TENM2: variants seen among roughly 807,000 people sequenced by gnomAD.
TENM2 encodes the protein teneurin-2.
A neutral mutation model predicts 245.2 loss-of-function variants in TENM2; 52 were observed. The observed-to-expected ratio is 0.21, with a 90% CI of 0.17 to 0.27. The LOEUF (loss-of-function observed/expected upper bound fraction) is 0.27, where lower values mean the gene tolerates loss of function less well. Among genes scored for constraint, TENM2 ranks in the 10% least tolerant of loss-of-function variants. The pLI is 1.00. For missense variants in TENM2, 3,046 were observed against 3,666.8 expected, an observed-to-expected ratio of 0.83 and a Z score of 4.37; for synonymous variants, 1,363 against 1,438.9, an observed-to-expected ratio of 0.95 and a Z score of 1.19.
chr5:167,889,098 A>T (rs1774526748), intron 3 of TENM2, among the ~76,000 whole-genome samples: 1 of 152,152 alleles, frequency 6.6e-6, no homozygotes, highest in Non-Finnish European at 1.5e-5. Flanking sequence ...AACAAAACAA[A>T]CAAAAAAACC....
At chr5:166,989,101 G>A in the TENM2 span, among the ~76,000 whole-genome samples, 9 of 151,658 alleles carry the variant, frequency 5.9e-5, no homozygotes, top group Admixed American at 1.3e-4. Flanking sequence ...TCAGAGTCTC[G>A]CTCTGTGGCT....
intron 2 of TENM2, among the ~76,000 whole-genome samples, chr5:167,533,057 A>G (rs1000644600): frequency 3.2e-4 from 49 of 152,222 alleles, no homozygotes; most frequent in African/African-American, 1.1e-3. Context: ...ATGATTCAGG[A>G]GTGCTTTGAA....
At chr5:167,371,081 A>T (rs186508546) in intron 1 of TENM2, among the ~76,000 whole-genome samples, 1 of 152,238 alleles carries the variant, frequency 6.6e-6, no homozygotes, top group Non-Finnish European at 1.5e-5. Context: ...GATAAAATAC[A>T]TGGAAAACAA....
the TENM2 span, among the ~76,000 whole-genome samples, chr5:167,061,533 T>G: frequency 1.3e-3 from 195 of 152,302 alleles, no homozygotes; most frequent in African/African-American, 4.3e-3. Flanking sequence ...AAATATTTCC[T>G]GCGTGGGTTT....
At chr5:168,031,720 G>A (rs1286648205) in intron 5 of TENM2, among the ~76,000 whole-genome samples, 1 of 148,426 alleles carries the variant, frequency 6.7e-6, no homozygotes, top group African/African-American at 2.5e-5. Context: ...AGGGAGGAAG[G>A]GAGCAAGGGA....
intron 5 of TENM2, 61 bp from the exon 8 acceptor site, chr5:168,047,366 C>A (rs1462933107): frequency 6.5e-7 from 1 of 1,546,692 alleles, no homozygotes; most frequent in Non-Finnish European, 8.7e-7. Context: ...TGGCCCTCCC[C>A]CTTGACATTT....
chr5:167,396,528 G>T (rs563099710), intron 2 of TENM2, among the ~76,000 whole-genome samples: 3 of 152,230 alleles, frequency 2.0e-5, no homozygotes, highest in Admixed American at 2.0e-4. Flanking sequence ...GAGGTAATGT[G>T]GTGATAAAAT....
At chr5:168,154,475 T>C (rs1756975245) in intron 12 of TENM2, among the ~76,000 whole-genome samples, 1 of 152,304 alleles carries the variant, frequency 6.6e-6, no homozygotes, top group South Asian at 2.1e-4. Context: ...TCCACCCGCC[T>C]CAACCTCCCA....
the TENM2 span, among the ~76,000 whole-genome samples, chr5:167,179,329 G>T: frequency 7.2e-5 from 11 of 152,138 alleles, no homozygotes; most frequent in Non-Finnish European, 1.5e-5. Flanking sequence ...TTCATTGTAC[G>T]TACTAACGGG....
chr5:167,106,282 C>T, the TENM2 span, among the ~76,000 whole-genome samples: 1 of 152,032 alleles, frequency 6.6e-6, no homozygotes, highest in Non-Finnish European at 1.5e-5. Flanking sequence ...CAGGAGGTCA[C>T]ACAATAATAG....
chr5:168,184,435 T>A (rs1760210769), intron 13 of TENM2, among the ~76,000 whole-genome samples: 2 of 152,222 alleles, frequency 1.3e-5, no homozygotes, highest in African/African-American at 4.8e-5. Flanking sequence ...TAAATGTAGG[T>A]GTTCTTCTGG....
At chr5:167,768,769 TA>T (rs753524711) in intron 2 of TENM2, among the ~76,000 whole-genome samples, 98 of 152,292 alleles carry the variant, frequency 6.4e-4, no homozygotes, top group Non-Finnish European at 1.1e-3. Flanking sequence ...TTGTGATGAT[TA>T]AGTAAGATAA....
At chr5:167,328,208 T>A (rs1757206600) in intron 1 of TENM2, among the ~76,000 whole-genome samples, 2 of 34,036 alleles carry the variant, frequency 5.9e-5, no homozygotes, top group Admixed American at 4.0e-4. Flanking sequence ...CATATCGTTT[T>A]TTTTTTTTTT....
chr5:167,897,618 T>C (rs1195848562), intron 3 of TENM2, among the ~76,000 whole-genome samples: 2 of 152,156 alleles, frequency 1.3e-5, no homozygotes, highest in Non-Finnish European at 2.9e-5. Flanking sequence ...ACCTTTAAAA[T>C]CTAAATGAAA....
intron 2 of TENM2, among the ~76,000 whole-genome samples, chr5:167,655,439 T>C (rs958514227): frequency 6.6e-6 from 1 of 152,194 alleles, no homozygotes; most frequent in Non-Finnish European, 1.5e-5. Context: ...GCCACCTTGA[T>C]TGAAAGTCCT....
At chr5:167,362,084 A>T (rs1759750435) in intron 1 of TENM2, among the ~76,000 whole-genome samples, 1 of 152,160 alleles carries the variant, frequency 6.6e-6, no homozygotes, top group Non-Finnish European at 1.5e-5. Flanking sequence ...CAGCTGCCAG[A>T]TGCTAAGTGT....
At chr5:167,650,834 GAA>G (rs1446595690) in intron 2 of TENM2, among the ~76,000 whole-genome samples, 1 of 152,168 alleles carries the variant, frequency 6.6e-6, no homozygotes, top group East Asian at 1.9e-4. Context: ...TCTGATCTGT[GAA>G]GGCAAGCCAG....
intron 9 of TENM2, 97 bp from the exon 12 acceptor site, chr5:168,118,195 C>A: frequency 9.5e-7 from 1 of 1,053,844 alleles, no homozygotes; most frequent in Non-Finnish European, 1.3e-6. Flanking sequence ...CACTGTAAGC[C>A]AAGCCCCAAG....
chr5:167,816,609 GAC>G (rs1252160652), intron 2 of TENM2, among the ~76,000 whole-genome samples: 1 of 152,102 alleles, frequency 6.6e-6, no homozygotes, highest in Non-Finnish European at 1.5e-5. Flanking sequence ...CCGCCAGTGA[GAC>G]ACAACTTCAC....
Sources: gnomAD v4.1 joint callset for allele counts (sites outside exome capture counted in the v4.1 genomes callset) on GRCh38, gnomAD v4.1.1 for gene constraint, MANE v1.5 for transcripts, NCBI Gene and HGNC (gene_info 2026-07-23, HGNC 2026-07-21) for gene names.